Variants in DNAH14 observed in about 807,000 individuals in gnomAD.
DNAH14 encodes the protein dynein axonemal heavy chain 14.
DNAH14 carries 478 observed loss-of-function variants against 520.9 expected under a neutral mutation model. The observed-to-expected ratio is 0.92, with a 90% CI of 0.85 to 0.99. The LOEUF (loss-of-function observed/expected upper bound fraction) is 0.99. Ranked by LOEUF, DNAH14 falls within the 50% of genes least tolerant of loss-of-function variation. The pLI, the probability that DNAH14 is intolerant of heterozygous loss-of-function variation, is 0.00. For synonymous variants in DNAH14, 1,581 were observed against 1,757.2 expected, an observed-to-expected ratio of 0.90 and a Z score of 2.51; for missense variants, 4,831 against 5,234.5, an observed-to-expected ratio of 0.92 and a Z score of 2.38.
intron 55 of DNAH14, among the ~76,000 whole-genome samples, chr1:225,290,684 TATATATA>T (rs1558282897): frequency 7.7e-6 from 1 of 129,532 alleles, no homozygotes; most frequent in Non-Finnish European, 1.6e-5. Context: ...TATATATATA[TATATATA>T]TATTTCCTCC....
chr1:225,313,074 G>A (rs1389660921), intron 60 of DNAH14, among the ~76,000 whole-genome samples: 1 of 152,020 alleles, frequency 6.6e-6, no homozygotes, highest in Non-Finnish European at 1.5e-5. Context: ...TCTGGTCCTG[G>A]GCTGTTTTTT....
At chr1:224,968,283 C>T (rs893481211) in intron 6 of DNAH14, among the ~76,000 whole-genome samples, 5 of 151,908 alleles carry the variant, frequency 3.3e-5, no homozygotes, top group African/African-American at 1.2e-4. Context: ...TATGTGGTGA[C>T]ATTCAGATAG....
chr1:225,108,663 GTTGTCTCTTC>G, intron 23 of DNAH14, among the ~76,000 whole-genome samples: 1 of 152,164 alleles, frequency 6.6e-6, no homozygotes, highest in South Asian at 2.1e-4. Flanking sequence ...CATTCTGTGG[GTTGTCTCTTC>G]ATTATTTTGT....
intron 61 of DNAH14, 50 bp downstream of exon 61, chr1:225,318,727 A>G (rs886104006): frequency 2.2e-5 from 33 of 1,475,978 alleles, no homozygotes; most frequent in Non-Finnish European, 2.8e-5. Context: ...AAAAAAACAT[A>G]AATTCATGTT....
At chr1:225,152,649 A>G (rs2080610234) in intron 32 of DNAH14, 48 bp from the exon 33 acceptor site, 1 of 1,464,612 alleles carries the variant, frequency 6.8e-7, no homozygotes, top group Admixed American at 2.7e-5. Flanking sequence ...CTTATTTGAA[A>G]AATTGAGAAG....
intron 8 of DNAH14, among the ~76,000 whole-genome samples, chr1:224,989,460 G>GT (rs150385557): frequency 0.095 from 14,504 of 151,980 alleles, 2,225 homozygotes; most frequent in African/African-American, 0.33. Flanking sequence ...AGTTCTAGGA[G>GT]TTTTTTAATA....
chr1:225,060,977 G>C (rs1196384328), intron 17 of DNAH14, among the ~76,000 whole-genome samples: 3 of 145,454 alleles, frequency 2.1e-5, no homozygotes, highest in African/African-American at 7.4e-5. Flanking sequence ...CACTTGAGGA[G>C]GCAGTCTGTC....
At chr1:224,992,539 G>A (rs2063130359) in intron 8 of DNAH14, among the ~76,000 whole-genome samples, 1 of 151,974 alleles carries the variant, frequency 6.6e-6, no homozygotes, top group Non-Finnish European at 1.5e-5. Flanking sequence ...GAGTATAGAA[G>A]CACTACTGAT....
chr1:224,977,143 G>T (rs1572189804), intron 8 of DNAH14, among the ~76,000 whole-genome samples: 1 of 152,014 alleles, frequency 6.6e-6, no homozygotes, highest in South Asian at 2.1e-4. Flanking sequence ...ATACACCATG[G>T]AATACTATGC....
chr1:225,292,059 T>C (rs1381835973), intron 55 of DNAH14, among the ~76,000 whole-genome samples: 3 of 152,188 alleles, frequency 2.0e-5, no homozygotes, highest in African/African-American at 7.2e-5. Context: ...CATTCTATTG[T>C]TTCCTTTGCT....
intron 36 of DNAH14, among the ~76,000 whole-genome samples, chr1:225,172,436 T>C (rs1040479041): frequency 8.5e-5 from 13 of 152,340 alleles, no homozygotes; most frequent in African/African-American, 2.9e-4. Flanking sequence ...AAAATCAATG[T>C]GCAGAAATCA....
intron 21 of DNAH14, among the ~76,000 whole-genome samples, chr1:225,090,599 T>C (rs1033994190): frequency 6.6e-6 from 1 of 152,094 alleles, no homozygotes; most frequent in African/African-American, 2.4e-5. Flanking sequence ...TCAACAAATA[T>C]GCAAAGATAA....
In DNAH14 at chr1:224,952,656, G is replaced by A; in HGVS notation, c.-33-14G>A. On this transcript the variant is annotated splice_polypyrimidine_tract_variant and intron_variant, in intron 1 of 85. Coordinates refer to ENST00000682510, the MANE Select transcript of DNAH14 (RefSeq NM_001367479.1). ...TATTGTATATTAAATATAATAATGT[G>A]AATTTTGTTACAGCCAGTTCCTTTA... 7.2e-7 allele frequency: 1 copy of A among 1,381,864 alleles called. No homozygotes were observed. Among genetic ancestry groups the A allele is most frequent in the Non-Finnish European group, 9.8e-7 (1 of 1,022,432 alleles). 85.6% of individuals were successfully genotyped at this position (1,381,864 alleles called of 1,614,324 possible).
At chr1:225,021,196 T>G (rs1333815483) in intron 10 of DNAH14, among the ~76,000 whole-genome samples, 1 of 152,150 alleles carries the variant, frequency 6.6e-6, no homozygotes, top group African/African-American at 2.4e-5. Context: ...AACATCATAC[T>G]GAACAGGCAA....
At chr1:225,123,768 C>A (rs2077469637) in intron 27 of DNAH14, among the ~76,000 whole-genome samples, 154 bp downstream of exon 27, 1 of 151,994 alleles carries the variant, frequency 6.6e-6, no homozygotes, top group South Asian at 2.1e-4. Flanking sequence ...TTTACACTAT[C>A]CTGTAGTCTT....
intron 27 of DNAH14, among the ~76,000 whole-genome samples, chr1:225,135,327 G>C (rs113990718): frequency 0.073 from 11,103 of 152,190 alleles, 631 homozygotes; most frequent in East Asian, 0.24. Flanking sequence ...TGCTTTAGCT[G>C]TGTCCCAGAG....
rs1011470542 is a variant in DNAH14, at chr1:225,119,191, C to T, written c.4092-29C>T. The T allele has an allele frequency of 8.0e-5, 114 of 1,433,734 alleles. No homozygotes were observed. In the East Asian group the frequency reaches 2.9e-3, roughly 37 times the overall value. 88.8% of individuals were successfully genotyped at this position (1,433,734 alleles called of 1,614,324 possible). Reference sequence around the variant, plus strand: ...AAACATGAATTAAAAAATAATTCTTCATGATATTATTTTTGAAACTAATTT... The same window carrying T: ...AAACATGAATTAAAAAATAATTCTTTATGATATTATTTTTGAAACTAATTT... On this transcript the variant is annotated intron_variant, in intron 25 of 85. Coordinates refer to ENST00000682510, the MANE Select transcript of DNAH14 (RefSeq NM_001367479.1).
chr1:225,003,428 A>G (rs936311049), intron 9 of DNAH14, among the ~76,000 whole-genome samples: 1 of 152,086 alleles, frequency 6.6e-6, no homozygotes, highest in Admixed American at 6.6e-5. Context: ...AGATTCTAGC[A>G]GATTTTACTT....
At chr1:225,219,094 AAATG>A (rs1464804237) in intron 41 of DNAH14, among the ~76,000 whole-genome samples, 3 of 152,158 alleles carry the variant, frequency 2.0e-5, no homozygotes, top group Admixed American at 2.0e-4. Flanking sequence ...TAAATAACAG[AAATG>A]ACTAAGTTTT....
Sources: gnomAD v4.1 joint callset for allele counts (sites outside exome capture counted in the v4.1 genomes callset) on GRCh38, gnomAD v4.1.1 for gene constraint, MANE v1.5 for transcripts, NCBI Gene and HGNC (gene_info 2026-07-23, HGNC 2026-07-21) for gene names.